The following ZBTB20 variants were observed in gnomAD, a reference collection of about 807,000 sequenced individuals.
The protein encoded by ZBTB20 is zinc finger and BTB domain-containing protein 20.
In ZBTB20, 9 loss-of-function variants were observed where a neutral mutation model predicts 56.9. The observed-to-expected ratio is 0.16, with a 90% CI of 0.10 to 0.28. The LOEUF (loss-of-function observed/expected upper bound fraction) is 0.28, where lower values mean the gene tolerates loss of function less well. Among genes scored for constraint, ZBTB20 ranks in the 10% least tolerant of loss-of-function variants. The pLI, the probability that ZBTB20 is intolerant of heterozygous loss-of-function variation, is 1.00. For synonymous variants in ZBTB20, 417 were observed against 420.7 expected, an observed-to-expected ratio of 0.99 and a Z score of 0.11; for missense variants, 655 against 1,003.0, an observed-to-expected ratio of 0.65 and a Z score of 4.69.
intron 3 of ZBTB20, among the ~76,000 whole-genome samples, chr3:114,965,578 C>G (rs1246827675): frequency 1.3e-5 from 2 of 152,078 alleles, no homozygotes; most frequent in Non-Finnish European, 2.9e-5. Context: ...TAAAAATCCT[C>G]CAGGTCTATC....
At chr3:115,096,451 G>A (rs1368512145) in intron 1 of ZBTB20, among the ~76,000 whole-genome samples, 1 of 152,148 alleles carries the variant, frequency 6.6e-6, no homozygotes, top group African/African-American at 2.4e-5. Context: ...AATGTAGTTT[G>A]TTAAAATATA....
chr3:114,665,160 C>T (rs2060974962), intron 6 of ZBTB20, among the ~76,000 whole-genome samples: 1 of 151,980 alleles, frequency 6.6e-6, no homozygotes, highest in Non-Finnish European at 1.5e-5. Context: ...ATATCTATAC[C>T]ATGGTGGTCC....
intron 2 of ZBTB20, among the ~76,000 whole-genome samples, chr3:115,057,602 T>A (rs2081853812): frequency 1.3e-5 from 2 of 152,188 alleles, no homozygotes; most frequent in African/African-American, 4.8e-5. Flanking sequence ...AAAAGTGTGT[T>A]ATATTTACTC....
At chr3:114,947,399 G>C (rs2076920674) in intron 3 of ZBTB20, among the ~76,000 whole-genome samples, 1 of 146,182 alleles carries the variant, frequency 6.8e-6, no homozygotes, top group Non-Finnish European at 1.5e-5. Context: ...AAGATATGGA[G>C]CCAACTTAAA....
At chr3:114,926,974 G>A (rs899309914) in intron 3 of ZBTB20, among the ~76,000 whole-genome samples, 4 of 152,106 alleles carry the variant, frequency 2.6e-5, no homozygotes, top group Admixed American at 2.6e-4. Flanking sequence ...AACTTCTGGG[G>A]GCTCAATCAA....
At chr3:114,950,265 C>T (rs926247311) in intron 3 of ZBTB20, among the ~76,000 whole-genome samples, 3 of 152,018 alleles carry the variant, frequency 2.0e-5, no homozygotes, top group Admixed American at 6.6e-5. Flanking sequence ...TAAGATTTAA[C>T]GTATTTATAC....
chr3:115,058,749 G>C (rs1301147524), intron 2 of ZBTB20, among the ~76,000 whole-genome samples: 1 of 152,062 alleles, frequency 6.6e-6, no homozygotes, highest in Non-Finnish European at 1.5e-5. Flanking sequence ...GCCTTTGATT[G>C]TCCAAGTAAT....
chr3:114,801,771 T>C (rs1369700175), intron 4 of ZBTB20, among the ~76,000 whole-genome samples: 1 of 151,654 alleles, frequency 6.6e-6, no homozygotes, highest in Non-Finnish European at 1.5e-5. Context: ...CGTGCCCCAT[T>C]TCACATCATA....
intron 5 of ZBTB20, among the ~76,000 whole-genome samples, chr3:114,705,057 G>C (rs1204753516): frequency 2.0e-5 from 3 of 151,996 alleles, no homozygotes; most frequent in Non-Finnish European, 4.4e-5. Flanking sequence ...TCTTAGTTTA[G>C]TGAATTAAAT....
intron 1 of ZBTB20, among the ~76,000 whole-genome samples, chr3:115,132,289 A>G (rs935255906): frequency 5.9e-5 from 9 of 152,146 alleles, no homozygotes; most frequent in African/African-American, 9.7e-5. Flanking sequence ...TTCTATGGAA[A>G]ATGGAATAAT....
Position 114,325,301 on chromosome 3 carries a change from C to G in ZBTB20, c.*13704G>C, listed in dbSNP as rs1020620795. The G allele has an allele frequency of 2.6e-5, 4 of 152,048 alleles. No homozygotes were observed. Among genetic ancestry groups the G allele is most frequent in the African/African-American group, 9.7e-5 (4 of 41,408 alleles). The allele number at this position is 152,048 out of a possible 1,614,324, so 9.4% of individuals were successfully genotyped here. A position where few individuals can be genotyped will look rare whatever the true frequency, so the allele number is the denominator to read the frequency against. ...GCTGGTTCCAAATTAAAGTTTGTCC[C>G]AAGGAGAGCAAGAGCAGAGTAACTA... On this transcript the variant is annotated 3_prime_UTR_variant, in exon 12 of 12. Coordinates refer to ENST00000675478, the MANE Select transcript of ZBTB20 (RefSeq NM_001348800.3).
chr3:114,956,053 C>T (rs747961497), intron 3 of ZBTB20, among the ~76,000 whole-genome samples: 4 of 152,126 alleles, frequency 2.6e-5, no homozygotes, highest in Non-Finnish European at 1.5e-5. Flanking sequence ...TGTTCTACTA[C>T]TGAAAATAAT....
At chr3:115,000,184 T>C (rs2079191885) in intron 2 of ZBTB20, among the ~76,000 whole-genome samples, 1 of 151,528 alleles carries the variant, frequency 6.6e-6, no homozygotes, top group African/African-American at 2.4e-5. Context: ...AAGAGGCAAA[T>C]TCTTCTGGTT....
At chr3:114,594,684 A>G (rs1187692962) in intron 6 of ZBTB20, among the ~76,000 whole-genome samples, 1 of 152,214 alleles carries the variant, frequency 6.6e-6, no homozygotes, top group Non-Finnish European at 1.5e-5. Context: ...CCACAGCAAA[A>G]AGAGGGTAAG....
chr3:115,035,398 G>T (rs1450086014), intron 2 of ZBTB20, among the ~76,000 whole-genome samples: 1 of 151,940 alleles, frequency 6.6e-6, no homozygotes, highest in East Asian at 1.9e-4. Context: ...ACTGTGCAAA[G>T]AACTTGAATA....
At chr3:114,562,311 C>T (rs1387593979) in intron 6 of ZBTB20, among the ~76,000 whole-genome samples, 2 of 151,922 alleles carry the variant, frequency 1.3e-5, no homozygotes, top group South Asian at 2.1e-4. Context: ...ACTACAGACA[C>T]GTGCCACCAC....
At chr3:114,473,274 A>G (rs1285267777) in intron 7 of ZBTB20, among the ~76,000 whole-genome samples, 1 of 152,192 alleles carries the variant, frequency 6.6e-6, no homozygotes, top group Non-Finnish European at 1.5e-5. Context: ...AGATTTCCAA[A>G]TTATTGTGTC....
chr3:114,404,549 A>G (rs2087122605), intron 7 of ZBTB20, among the ~76,000 whole-genome samples: 3 of 152,160 alleles, frequency 2.0e-5, no homozygotes, highest in Admixed American at 2.0e-4. Flanking sequence ...GCTTATATCA[A>G]TAATAGTTTC....
At chr3:115,050,994 T>C (rs2081526621) in intron 2 of ZBTB20, among the ~76,000 whole-genome samples, 1 of 152,104 alleles carries the variant, frequency 6.6e-6, no homozygotes, top group South Asian at 2.1e-4. Context: ...CAATTTCAGG[T>C]ATAAGCTTCA....
Sources: allele counts gnomAD v4.1 joint callset (sites outside exome capture counted in the v4.1 genomes callset), GRCh38; gene constraint gnomAD v4.1.1; transcripts MANE v1.5; gene names NCBI Gene and HGNC (gene_info 2026-07-23, HGNC 2026-07-21).